ZNF410: variants seen among roughly 807,000 people sequenced by gnomAD.
ZNF410 encodes the protein zinc finger protein 410.
Under a neutral mutation model 54.8 loss-of-function variants are expected in ZNF410, and 18 were observed. The observed-to-expected ratio is 0.33, with a 90% confidence interval of 0.23 to 0.49. ZNF410 has a LOEUF of 0.49. ZNF410 is among the 20% of genes least tolerant of loss of function. The pLI is 0.99. For synonymous variants in ZNF410, 191 were observed against 207.3 expected (o/e 0.92, Z 0.68); for missense variants, 405 against 569.6 (o/e 0.71, Z 2.94).
intron 3 of ZNF410, chr14:73,894,210 T>C (rs1332906371): frequency 4.7e-6 from 3 of 643,408 alleles, no homozygotes; most frequent in Non-Finnish European, 8.4e-6. Flanking sequence ...CAGGAGAACT[T>C]GTAAAGGAGG....
chr14:73,896,697 A>G (rs1468141204), intron 4 of ZNF410, 163 bp downstream of exon 4: 4 of 622,688 alleles, frequency 6.4e-6, no homozygotes, highest in Non-Finnish European at 1.1e-5. Flanking sequence ...AGGGAGAGGG[A>G]GGACTCTAGT....
intron 1 of ZNF410, among the ~76,000 whole-genome samples, chr14:73,890,418 C>T (rs1408722942): frequency 6.7e-6 from 1 of 149,336 alleles, no homozygotes; most frequent in Non-Finnish European, 1.5e-5. Context: ...GAACTCCTGA[C>T]CTCAGGTGAC....
intron 8 of ZNF410, 158 bp downstream of exon 8, chr14:73,909,588 T>A: frequency 4.0e-6 from 2 of 496,828 alleles, no homozygotes; most frequent in Non-Finnish European, 7.2e-6. Context: ...TCAAGGCCCT[T>A]AATTCTTATA....
chr14:73,887,348 C>T (rs1266910780), intron 1 of ZNF410: 1 of 152,250 alleles, frequency 6.6e-6, no homozygotes, highest in Non-Finnish European at 1.5e-5. Flanking sequence ...GAGCTACCCT[C>T]TCCTTTCATA....
intron 8 of ZNF410, among the ~76,000 whole-genome samples, chr14:73,919,244 G>T (rs1046088985): frequency 6.6e-6 from 1 of 151,676 alleles, no homozygotes; most frequent in Non-Finnish European, 1.5e-5. Context: ...TAATCTGCCC[G>T]CCTCGGCCTC....
intron 7 of ZNF410, among the ~76,000 whole-genome samples, chr14:73,909,114 A>G (rs972541156): frequency 2.0e-5 from 3 of 152,196 alleles, no homozygotes; most frequent in African/African-American, 7.2e-5. Context: ...GGAGAAGGAA[A>G]TATAGGCTTA....
chr14:73,905,942 T>TACACAC lies in ZNF410; in HGVS notation c.913+860_913+861insCACACA, dbSNP rs1322750179. Among the ~76,000 whole-genome samples the TACACAC allele has an allele frequency of 6.8e-4, 61 of 89,456 alleles. 1 individual carries two copies. The highest frequency in any genetic ancestry group is 3.6e-3 in the African/African-American group (58 of 16,212). The allele number at this position is 89,456 out of a possible 152,430, so 58.7% of individuals were successfully genotyped here. ...ATATATATACACATACATACATATA[T>TACACAC]ATACACACACACACACACACACACA... On this transcript the variant is annotated intron_variant, in intron 7 of 11. Coordinates refer to ENST00000555044, the MANE Select transcript of ZNF410 (RefSeq NM_021188.3).
At chr14:73,889,433 A>C (rs1157341193) in intron 1 of ZNF410, among the ~76,000 whole-genome samples, 1 of 88,848 alleles carries the variant, frequency 1.1e-5, no homozygotes, top group Non-Finnish European at 2.2e-5. Context: ...CTCAGTCTCA[A>C]AAAAAAAAAA....
At chr14:73,887,938 A>G (rs1223523616) in intron 1 of ZNF410, among the ~76,000 whole-genome samples, 3 of 152,202 alleles carry the variant, frequency 2.0e-5, no homozygotes, top group Non-Finnish European at 4.4e-5. Flanking sequence ...GAAGTGACAT[A>G]AGCATTTCTT....
chr14:73,921,552 A>G (rs1218463044), intron 9 of ZNF410, among the ~76,000 whole-genome samples: 1 of 152,056 alleles, frequency 6.6e-6, no homozygotes, highest in Non-Finnish European at 1.5e-5. Context: ...ATCTCGACTC[A>G]CTGCAACCTC....
At chr14:73,926,203 A>G (rs906626301) in intron 11 of ZNF410, among the ~76,000 whole-genome samples, 1 of 152,134 alleles carries the variant, frequency 6.6e-6, no homozygotes, top group African/African-American at 2.4e-5. Context: ...AAAAACTATA[A>G]TATCTTTACC....
intron 5 of ZNF410, among the ~76,000 whole-genome samples, chr14:73,901,435 T>A (rs1057196319): frequency 7.3e-5 from 11 of 151,584 alleles, no homozygotes; most frequent in African/African-American, 2.7e-4. Context: ...TTTTTTTTTT[T>A]AGGGAAAAAT....
intron 5 of ZNF410, 78 bp downstream of exon 5, chr14:73,898,340 A>G: frequency 1.4e-6 from 2 of 1,415,578 alleles, no homozygotes; most frequent in Non-Finnish European, 2.0e-6. Flanking sequence ...TTTGAGTTGT[A>G]TATAATTTAA....
At chr14:73,931,246 A>G (rs1334631044) in intron 11 of ZNF410, among the ~76,000 whole-genome samples, 1 of 152,148 alleles carries the variant, frequency 6.6e-6, no homozygotes, top group Non-Finnish European at 1.5e-5. Flanking sequence ...TAACTACACA[A>G]ACAATAGTTT....
chr14:73,895,225 A>G (rs2055297532), intron 3 of ZNF410: 1 of 152,218 alleles, frequency 6.6e-6, no homozygotes, highest in Non-Finnish European at 1.5e-5. Context: ...AACAGCGTTC[A>G]TCTTCCCTTA....
At chr14:73,909,553 C>A (rs1424420425) in intron 8 of ZNF410, 123 bp downstream of exon 8, 6 of 732,142 alleles carry the variant, frequency 8.2e-6, no homozygotes, top group Admixed American at 2.7e-5. Flanking sequence ...TAGAAAGCTT[C>A]TCATCATCAT....
chr14:73,926,578 G>T (rs953837542), intron 11 of ZNF410, among the ~76,000 whole-genome samples: 2 of 152,004 alleles, frequency 1.3e-5, no homozygotes, highest in Non-Finnish European at 2.9e-5. Context: ...GGGATTACAG[G>T]CACCTGCCAC....
intron 5 of ZNF410, among the ~76,000 whole-genome samples, chr14:73,899,793 C>G (rs958076516): frequency 3.3e-5 from 5 of 152,172 alleles, no homozygotes; most frequent in Admixed American, 3.3e-4. Flanking sequence ...ATGTAACATT[C>G]TATCTGGGAA....
At chr14:73,920,804 T>A in intron 8 of ZNF410, 176 bp from the exon 9 acceptor site, 1 of 700,620 alleles carries the variant, frequency 1.4e-6, no homozygotes, top group South Asian at 1.9e-5. Flanking sequence ...CCTCCTGGTG[T>A]ACTCTTCCTG....
Sources: gnomAD v4.1 joint callset for allele counts (sites outside exome capture counted in the v4.1 genomes callset) on GRCh38, gnomAD v4.1.1 for gene constraint, MANE v1.5 for transcripts, NCBI Gene and HGNC (gene_info 2026-07-23, HGNC 2026-07-21) for gene names.